The following CACHD1 variants were observed in gnomAD, a reference collection of about 807,000 sequenced individuals.
The protein encoded by CACHD1 is VWFA and cache domain-containing protein 1.
In CACHD1, 71 loss-of-function variants were observed where a neutral mutation model predicts 138.7. That is an observed-to-expected ratio of 0.51 (90% CI 0.42 to 0.62). The LOEUF (loss-of-function observed/expected upper bound fraction) is 0.62, where lower values mean the gene tolerates loss of function less well. CACHD1 is among the 20% of genes least tolerant of loss of function. The pLI is 0.00. For missense variants in CACHD1, 1,389 were observed against 1,625.3 expected, an observed-to-expected ratio of 0.85 and a Z score of 2.50; for synonymous variants, 578 against 591.5, an observed-to-expected ratio of 0.98 and a Z score of 0.33.
intron 1 of CACHD1, among the ~76,000 whole-genome samples, chr1:64,491,678 C>T (rs1463217709): frequency 1.3e-5 from 2 of 152,176 alleles, no homozygotes; most frequent in East Asian, 3.9e-4. Flanking sequence ...CCCTCTGTTG[C>T]CCAGCTTGGC....
intron 2 of CACHD1, chr1:64,563,551 T>C (rs1031760568): frequency 1.3e-5 from 2 of 152,224 alleles, no homozygotes; most frequent in African/African-American, 2.4e-5. Context: ...AAACACAGAA[T>C]AGCTCTTTCT....
intron 1 of CACHD1, among the ~76,000 whole-genome samples, chr1:64,485,178 G>A (rs554168613): frequency 6.6e-6 from 1 of 152,206 alleles, no homozygotes; most frequent in South Asian, 2.1e-4. Context: ...CTATCCTAAT[G>A]GGAGTGAAAA....
intron 2 of CACHD1, among the ~76,000 whole-genome samples, chr1:64,576,907 GTTTT>G (rs71056056): frequency 1.3e-4 from 19 of 141,108 alleles, no homozygotes; most frequent in Admixed American, 8.5e-4. Flanking sequence ...TTGTTTGTTT[GTTTT>G]TTTTTTTTAG....
intron 16 of CACHD1, among the ~76,000 whole-genome samples, chr1:64,668,622 G>A (rs940581770): frequency 3.3e-5 from 5 of 152,198 alleles, no homozygotes; most frequent in African/African-American, 9.7e-5. Flanking sequence ...AGCAAGAAAT[G>A]GCAGTTGAAG....
intron 4 of CACHD1, among the ~76,000 whole-genome samples, chr1:64,605,190 C>G (rs557918317): frequency 5.3e-4 from 80 of 152,148 alleles, no homozygotes; most frequent in African/African-American, 1.8e-3. Context: ...GTCTCGAACT[C>G]CTAAACTCAG....
At chr1:64,495,691 C>CTTT (rs11302911) in intron 1 of CACHD1, among the ~76,000 whole-genome samples, 1 of 147,944 alleles carries the variant, frequency 6.8e-6, no homozygotes, top group African/African-American at 2.5e-5. Context: ...AAGAGAATTA[C>CTTT]TTTTTTTTTT....
At chr1:64,664,095 AT>A (rs924477464) in intron 14 of CACHD1, 6 of 509,824 alleles carry the variant, frequency 1.2e-5, no homozygotes, top group African/African-American at 1.9e-5. Context: ...GAGGGATGTG[AT>A]TTAGAGACTA....
At chr1:64,619,392 C>T (rs1184586813) in intron 4 of CACHD1, among the ~76,000 whole-genome samples, 1 of 152,126 alleles carries the variant, frequency 6.6e-6, no homozygotes, top group Non-Finnish European at 1.5e-5. Flanking sequence ...TGGGGGTTTG[C>T]TTAGAATTAG....
chr1:64,660,775 C>T (rs1270030869), intron 13 of CACHD1, among the ~76,000 whole-genome samples: 1 of 152,112 alleles, frequency 6.6e-6, no homozygotes, highest in African/African-American at 2.4e-5. Flanking sequence ...GGTGATCCTC[C>T]CGCCTTGGCC....
intron 4 of CACHD1, among the ~76,000 whole-genome samples, chr1:64,610,224 A>G (rs1458872116): frequency 6.6e-6 from 1 of 152,210 alleles, no homozygotes; most frequent in African/African-American, 2.4e-5. Context: ...GGACACAGCC[A>G]AACCATATCA....
At chr1:64,531,454 A>G (rs1646584640) in intron 1 of CACHD1, among the ~76,000 whole-genome samples, 1 of 151,192 alleles carries the variant, frequency 6.6e-6, no homozygotes, top group South Asian at 2.1e-4. Flanking sequence ...TGCTTTCTGT[A>G]CCTTTGCTTT....
intron 14 of CACHD1, 48 bp downstream of exon 14, chr1:64,663,885 C>T: frequency 6.2e-7 from 1 of 1,610,438 alleles, no homozygotes; most frequent in Non-Finnish European, 8.5e-7. Flanking sequence ...CTCCACAGGC[C>T]CAGCAGGGGG....
chr1:64,674,930 T>A (rs1204270108), intron 19 of CACHD1, among the ~76,000 whole-genome samples: 2 of 152,226 alleles, frequency 1.3e-5, no homozygotes, highest in African/African-American at 4.8e-5. Context: ...CTGTTAGGTT[T>A]GATTTTTAAA....
At chr1:64,517,845 T>G (rs1017326453) in intron 1 of CACHD1, among the ~76,000 whole-genome samples, 1 of 152,182 alleles carries the variant, frequency 6.6e-6, no homozygotes, top group African/African-American at 2.4e-5. Flanking sequence ...AAAAGTATAT[T>G]CCACCACCCC....
At chr1:64,549,006 T>A (rs1222944099) in intron 1 of CACHD1, among the ~76,000 whole-genome samples, 1 of 152,190 alleles carries the variant, frequency 6.6e-6, no homozygotes, top group Non-Finnish European at 1.5e-5. Flanking sequence ...GATTCCAGCC[T>A]TGCCAAGTGA....
At chr1:64,566,608 A>C (rs1245595877) in intron 2 of CACHD1, among the ~76,000 whole-genome samples, 1 of 91,080 alleles carries the variant, frequency 1.1e-5, no homozygotes, top group African/African-American at 2.8e-5. Context: ...GAAGGTTAGT[A>C]TGAGGCTTTT....
intron 2 of CACHD1, among the ~76,000 whole-genome samples, chr1:64,556,941 A>AC (rs1646802852): frequency 6.6e-6 from 1 of 151,926 alleles, no homozygotes; most frequent in Admixed American, 6.6e-5. Context: ...ACACGGTGAA[A>AC]CCCCCGTCTC....
chr1:64,476,380 G>A (rs1646174794), intron 1 of CACHD1, among the ~76,000 whole-genome samples: 1 of 152,206 alleles, frequency 6.6e-6, no homozygotes, highest in Admixed American at 6.5e-5. Context: ...TTGGTAAGAT[G>A]TGTAATTTCC....
chr1:64,600,311 CT>C (rs1647200275), intron 3 of CACHD1, among the ~76,000 whole-genome samples: 1 of 152,204 alleles, frequency 6.6e-6, no homozygotes, highest in African/African-American at 2.4e-5. Flanking sequence ...TTGGAGGGTA[CT>C]TCTCATTCCT....
Sources: allele counts gnomAD v4.1 joint callset (sites outside exome capture counted in the v4.1 genomes callset), GRCh38; gene constraint gnomAD v4.1.1; transcripts MANE v1.5; gene names NCBI Gene and HGNC (gene_info 2026-07-23, HGNC 2026-07-21).